Variants in KDM5A observed in about 807,000 individuals in gnomAD.
KDM5A encodes lysine demethylase 5A.
A neutral mutation model predicts 193.5 loss-of-function variants in KDM5A; 42 were observed. The observed-to-expected ratio is 0.22, with a 90% CI of 0.17 to 0.28. KDM5A has a LOEUF of 0.28. Among genes scored for constraint, KDM5A ranks in the 10% least tolerant of loss-of-function variants. The probability of loss-of-function intolerance (pLI) is 1.00; values close to 1 mark genes in which losing one functional copy is unlikely to be tolerated. For synonymous variants in KDM5A, 796 were observed against 718.1 expected (o/e 1.11, Z -1.73); for missense variants, 1,692 against 2,055.1 (o/e 0.82, Z 3.42).
intron 24 of KDM5A, 128 bp downstream of exon 24, chr12:306,818 A>AG (rs1308057945): frequency 8.3e-6 from 8 of 966,328 alleles, no homozygotes; most frequent in Non-Finnish European, 1.3e-5. Context: ...CTAAAAACTC[A>AG]GAACAGATAA....
rs1294974605 is a variant in KDM5A at position 297,123 on chromosome 12, C to T, written c.4152G>A (p.Glu1384=). 1 of 1,614,034 alleles carries T rather than the reference C, an allele frequency of 6.2e-7. No homozygotes were observed. Among genetic ancestry groups the T allele is most frequent in the African/African-American group, 1.3e-5 (1 of 75,038 alleles). ...CTGTCCACATGTGGGTCACCACCTC[C>T]TCGGATTTGATGGGAATCTCTTCAT... ...FCDEEIPIKS[E]EVVTHMWTAP... The change falls in exon 25 of 28, where the codon GAG becomes GAA. Residue 1384 remains glutamate, a synonymous_variant. Coordinates refer to ENST00000399788, the MANE Select transcript of KDM5A (RefSeq NM_001042603.3).
At chr12:349,956 C>T (rs1944133320) in intron 10 of KDM5A, among the ~76,000 whole-genome samples, 1 of 151,380 alleles carries the variant, frequency 6.6e-6, no homozygotes, top group Non-Finnish European at 1.5e-5. Context: ...TGGAGAAACC[C>T]CATCTCTACT....
At chr12:287,907 C>A (rs370244701) in intron 27 of KDM5A, among the ~76,000 whole-genome samples, 4 of 152,304 alleles carry the variant, frequency 2.6e-5, no homozygotes, top group East Asian at 1.9e-4. Context: ...AATTCTCTTA[C>A]AAATAAGACA....
intron 3 of KDM5A, among the ~76,000 whole-genome samples, chr12:370,883 G>A (rs1944419638): frequency 6.6e-6 from 1 of 152,114 alleles, no homozygotes; most frequent in Non-Finnish European, 1.5e-5. Context: ...TTCTGTTCTT[G>A]TGACAGTTTG....
At chr12:316,957 T>C (rs76330594) in intron 19 of KDM5A, among the ~76,000 whole-genome samples, 2,634 of 152,312 alleles carry the variant, frequency 0.017, 73 homozygotes, top group African/African-American at 0.06. Context: ...TCAGTAACTA[T>C]GTGATCTCTC....
rs141148193 is a variant in KDM5A, at chr12:375,615, C to T, written c.366+8416G>A. On this transcript the variant is annotated intron_variant, in intron 3 of 27. Transcript: ENST00000399788. ...CTGTCCAGCTTTGTTCCGTTGCTGG[C>T]GAGAAGCTGTGTTCCTTTGGCGGGG... 1.8e-3 allele frequency among the ~76,000 whole-genome samples: 280 copies of T among 152,334 alleles called. 2 individuals carry two copies. Among genetic ancestry groups the T allele is most frequent in the African/African-American group, 6.3e-3 (260 of 41,574 alleles).
intron 1 of KDM5A, 88 bp from the exon 2 acceptor site, chr12:386,062 A>G (rs1944634317): frequency 1.1e-6 from 1 of 924,102 alleles, no homozygotes; most frequent in Non-Finnish European, 1.8e-6. Context: ...TTTTGCCACA[A>G]ATCATGGTGC....
intron 10 of KDM5A, among the ~76,000 whole-genome samples, chr12:336,091 G>T (rs1943929455): frequency 6.6e-6 from 1 of 150,874 alleles, no homozygotes; most frequent in African/African-American, 2.4e-5. Context: ...GGGCATGGTG[G>T]CTCATGCCTG....
At chr12:340,017 A>T (rs1943980805) in intron 10 of KDM5A, among the ~76,000 whole-genome samples, 1 of 151,898 alleles carries the variant, frequency 6.6e-6, no homozygotes, top group African/African-American at 2.4e-5. Context: ...CTCCAACTAC[A>T]GGCGTGTGCC....
chr12:312,180 G>C (rs78029340), intron 20 of KDM5A, among the ~76,000 whole-genome samples: 2 of 152,070 alleles, frequency 1.3e-5, no homozygotes, highest in African/African-American at 4.8e-5. Flanking sequence ...TTTATGATTC[G>C]AGTACACTTT....
At chr12:299,092 T>TG in intron 24 of KDM5A, among the ~76,000 whole-genome samples, 1 of 151,586 alleles carries the variant, frequency 6.6e-6, no homozygotes, top group African/African-American at 2.4e-5. Context: ...ACCTGTGTGA[T>TG]GGAAGAATGG....
At position 323,791 on chromosome 12, in the gene KDM5A, A is replaced by G. The variant is rs1195636043; in HGVS notation, c.1969-10T>C. 3 of 1,609,518 alleles carry G rather than the reference A, an allele frequency of 1.9e-6. No individual in the cohort carries two copies. The highest frequency in any genetic ancestry group is 1.7e-5 in the Admixed American group (1 of 59,998). On this transcript the variant is annotated splice_polypyrimidine_tract_variant and intron_variant, in intron 14 of 27. Transcript: ENST00000399788. ...CTGACATCAGGACACCCTGAAATATAATTTATTTCACTAGATCAAGTCTTT... is the reference window on the plus strand; with the variant it reads ...CTGACATCAGGACACCCTGAAATATGATTTATTTCACTAGATCAAGTCTTT...
chr12:331,091 G>C, intron 13 of KDM5A, among the ~76,000 whole-genome samples: 1 of 151,248 alleles, frequency 6.6e-6, no homozygotes, highest in South Asian at 2.1e-4. Flanking sequence ...AAAAGGAACA[G>C]AAAAAACATA....
chr12:292,369 C>G (rs1304768215), intron 27 of KDM5A, among the ~76,000 whole-genome samples: 2 of 152,310 alleles, frequency 1.3e-5, no homozygotes, highest in East Asian at 3.9e-4. Flanking sequence ...TCTTACAATA[C>G]TGGCCCAGGA....
At chr12:336,000 G>A (rs1350240739) in intron 10 of KDM5A, among the ~76,000 whole-genome samples, 2 of 144,794 alleles carry the variant, frequency 1.4e-5, no homozygotes, top group African/African-American at 2.6e-5. Context: ...CCGAGATCGC[G>A]GCATTGCACT....
chr12:310,474 A>G (rs1943569782), intron 21 of KDM5A, among the ~76,000 whole-genome samples: 1 of 152,096 alleles, frequency 6.6e-6, no homozygotes, highest in Non-Finnish European at 1.5e-5. Context: ...CTCCACCAAA[A>G]ATACAAAAAA....
intron 24 of KDM5A, among the ~76,000 whole-genome samples, chr12:299,666 T>C (rs1443008209): frequency 1.3e-5 from 2 of 152,050 alleles, no homozygotes; most frequent in Non-Finnish European, 2.9e-5. Flanking sequence ...CCAGCTAACA[T>C]CATAATGACA....
intron 13 of KDM5A, among the ~76,000 whole-genome samples, chr12:329,905 A>T (rs1943840416): frequency 6.6e-6 from 1 of 152,144 alleles, no homozygotes; most frequent in South Asian, 2.1e-4. Context: ...GAGAAAAAAT[A>T]AGAAAATGGA....
chr12:336,358 TAA>T (rs61128182), intron 10 of KDM5A, among the ~76,000 whole-genome samples: 21 of 72,536 alleles, frequency 2.9e-4, no homozygotes, highest in Admixed American at 7.0e-4. Context: ...CCTGTCTCAC[TAA>T]AAAAAAAAAA....
Sources: allele counts gnomAD v4.1 joint callset (sites outside exome capture counted in the v4.1 genomes callset), GRCh38; gene constraint gnomAD v4.1.1; transcripts MANE v1.5; gene names NCBI Gene and HGNC (gene_info 2026-07-23, HGNC 2026-07-21).